The following STK38L variants were observed in gnomAD, a reference collection of about 807,000 sequenced individuals.
STK38L encodes the protein serine/threonine kinase 38 like, also known as serine/threonine-protein kinase 38-like.
STK38L carries 28 observed loss-of-function variants against 59.7 expected under a neutral mutation model. The observed-to-expected ratio is 0.47, with a 90% CI of 0.35 to 0.64. The LOEUF is 0.64. Among genes scored for constraint, STK38L ranks in the 30% least tolerant of loss-of-function variants. The pLI is 0.01. For synonymous variants in STK38L, 162 were observed against 176.8 expected (o/e 0.92, Z 0.66); for missense variants, 314 against 555.8 (o/e 0.56, Z 4.37).
intron 1 of STK38L, among the ~76,000 whole-genome samples, chr12:27,278,156 A>T (rs559364096): frequency 1.3e-4 from 20 of 152,300 alleles, no homozygotes; most frequent in African/African-American, 4.6e-4. Flanking sequence ...TGCTTATGGG[A>T]TCTTTGCCCT....
intron 12 of STK38L, among the ~76,000 whole-genome samples, chr12:27,320,174 G>A (rs571418105): frequency 2.8e-4 from 43 of 152,254 alleles, no homozygotes; most frequent in Admixed American, 2.7e-3. Context: ...TGCCTAGCTG[G>A]CTCCTTTGCA....
chr12:27,314,984 T>C, intron 7 of STK38L, 31 bp from the exon 8 acceptor site: 1 of 1,519,968 alleles, frequency 6.6e-7, no homozygotes, highest in African/African-American at 1.4e-5. Flanking sequence ...TCAAAGTTAA[T>C]ATGATCTAAT....
rs147554604 is a variant in STK38L, at chr12:27,290,163, C to T, written c.-11-7547C>T. Among the ~76,000 whole-genome samples, 316 of 152,266 alleles carry T rather than the reference C, an allele frequency of 2.1e-3. 1 individual carries two copies. The highest frequency in any genetic ancestry group is 6.7e-3 in the African/African-American group (280 of 41,550). ...ATCTCAGTCCTTTTACAAGTACTAA[C>T]TTTTAGAATTATCTTAAGTCTTATA... On this transcript the variant is annotated intron_variant, in intron 1 of 13. Coordinates refer to ENST00000389032, the MANE Select transcript of STK38L (RefSeq NM_015000.4).
chr12:27,324,866 A>G lies in STK38L; in HGVS notation c.*2411A>G, dbSNP rs546391359. ...GAATTTTCTCTATTATATATTTCCC[A>G]TATTTCAGGTGAATAATTTAATTTA... On this transcript the variant is annotated 3_prime_UTR_variant, in exon 14 of 14. Coordinates refer to ENST00000389032, the MANE Select transcript of STK38L (RefSeq NM_015000.4). 6.6e-6 allele frequency: 1 copy of G among 152,246 alleles called. No individual in the cohort carries two copies. Among genetic ancestry groups the G allele is most frequent in the East Asian group, 1.9e-4 (1 of 5,194 alleles). The allele number at this position is 152,246 out of a possible 1,614,324, so 9.4% of individuals were successfully genotyped here.
At chr12:27,251,365 C>T (rs1942972160) in intron 1 of STK38L, among the ~76,000 whole-genome samples, 1 of 152,178 alleles carries the variant, frequency 6.6e-6, no homozygotes, top group African/African-American at 2.4e-5. Flanking sequence ...CATTTCCTTA[C>T]TTAATCCTCA....
chr12:27,282,271 G>A (rs1943676998), intron 1 of STK38L, among the ~76,000 whole-genome samples: 1 of 152,088 alleles, frequency 6.6e-6, no homozygotes, highest in African/African-American at 2.4e-5. Flanking sequence ...GTTCCTGCAT[G>A]AGCTAAAGCA....
Position 27,324,707 on chromosome 12 carries a change from G to T in STK38L, c.*2252G>T. ...TAATAGAGTGATTCACAATCTTTGGGGTTTTCTCCTCATCAAAAGCATTTC... is the reference window on the plus strand; with the variant it reads ...TAATAGAGTGATTCACAATCTTTGGTGTTTTCTCCTCATCAAAAGCATTTC... On this transcript the variant is annotated 3_prime_UTR_variant, in exon 14 of 14. Coordinates refer to ENST00000389032, the MANE Select transcript of STK38L (RefSeq NM_015000.4). 1 of 151,856 alleles carries T rather than the reference G, an allele frequency of 6.6e-6. No homozygotes were observed. The highest frequency in any genetic ancestry group is 1.5e-5 in the Non-Finnish European group (1 of 67,880). 9.4% of individuals were successfully genotyped at this position (151,856 alleles called of 1,614,324 possible). A position where few individuals can be genotyped will look rare whatever the true frequency, so the allele number is the denominator to read the frequency against.
chr12:27,274,233 C>CAA (rs35554589), intron 1 of STK38L, among the ~76,000 whole-genome samples: 74,199 of 143,066 alleles, frequency 0.52, 19,487 homozygotes, highest in Non-Finnish European at 0.57. Context: ...AAGACTCTGT[C>CAA]AAAAAAAAAA....
intron 1 of STK38L, among the ~76,000 whole-genome samples, chr12:27,282,442 A>G (rs182164728): frequency 1.9e-3 from 285 of 152,364 alleles, no homozygotes; most frequent in Non-Finnish European, 2.2e-3. Context: ...GTCTTAAATC[A>G]TGCAGCTTAC....
intron 1 of STK38L, among the ~76,000 whole-genome samples, chr12:27,250,059 C>G (rs1942939517): frequency 6.6e-6 from 1 of 152,190 alleles, no homozygotes; most frequent in South Asian, 2.1e-4. Context: ...GGCATGATAG[C>G]TAACCCAGGC....
At chr12:27,257,534 T>C (rs1254043587) in intron 1 of STK38L, among the ~76,000 whole-genome samples, 1 of 152,220 alleles carries the variant, frequency 6.6e-6, no homozygotes, top group African/African-American at 2.4e-5. Context: ...CAGACTTGGG[T>C]ATCCCCGGCC....
intron 2 of STK38L, among the ~76,000 whole-genome samples, chr12:27,299,627 G>A (rs993082105): frequency 9.2e-5 from 14 of 152,116 alleles, no homozygotes; most frequent in African/African-American, 3.4e-4. Flanking sequence ...TATAATTCAG[G>A]AAAGAAGTAA....
Position 27,302,183 on chromosome 12 carries a change from G to A in STK38L, c.181G>A (p.Glu61Lys). 1 of 1,606,476 alleles carries A rather than the reference G, an allele frequency of 6.2e-7. No individual in the cohort carries two copies. The highest frequency in any genetic ancestry group is 1.7e-5 in the Admixed American group (1 of 59,160). Residue 61 changes from glutamate to lysine, a missense_variant, in exon 3 of 14, where the codon GAA (glutamate) becomes AAA (lysine). Coordinates refer to ENST00000389032, the MANE Select transcript of STK38L (RefSeq NM_015000.4). The part of the protein sequence containing the change: ...VAMEEEGLAD[E>K]EKKLRRSQHA... ...CATGGAAGAAGAAGGATTAGCAGAT[G>A]AAGAGGTAATGTAATTACCTATAAT...
intron 11 of STK38L, among the ~76,000 whole-genome samples, chr12:27,318,605 A>G (rs963065862): frequency 1.3e-5 from 2 of 152,230 alleles, no homozygotes; most frequent in Non-Finnish European, 2.9e-5. Context: ...ATGGTATTTA[A>G]TAGTGAAAAT....
At position 27,297,772 on chromosome 12, in the gene STK38L, C is replaced by T. The variant is rs1213566302; in HGVS notation, c.52C>T (p.Arg18Trp). ...TTTFPMSNHT[R>W]ERVTVAKLTL... ...AACCTTTCCTATGAGCAACCATACC[C>T]GGGAAAGAGTGACTGTAGCCAAGCT... Residue 18 changes from arginine (R) to tryptophan (W), a missense_variant, in exon 2 of 14, where the codon CGG becomes TGG. Around this residue, in one of 3 missense-constraint regions of STK38L, gnomAD observed 192 missense variants for 316.9 expected, o/e 0.61. Transcript: ENST00000389032. 2.5e-6 allele frequency: 4 copies of T among 1,613,990 alleles called. No homozygotes were observed. Among genetic ancestry groups the T allele is most frequent in the East Asian group, 2.2e-5 (1 of 44,868 alleles).
At position 27,312,600 on chromosome 12, in the gene STK38L, T is replaced by C; in HGVS notation, c.445T>C (p.Trp149Arg). The change falls in exon 6 of 14, where the codon TGG (tryptophan) becomes CGG (arginine). Residue 149 changes from tryptophan (W) to arginine (R), a missense_variant. Coordinates refer to ENST00000389032, the MANE Select transcript of STK38L (RefSeq NM_015000.4). ...TATTTTGGTAGAAGCAGATGGTGCCTGGGTGGTGAAGATGTTTTACAGTTT... is the reference window on the plus strand; with the variant it reads ...TATTTTGGTAGAAGCAGATGGTGCCCGGGTGGTGAAGATGTTTTACAGTTT... ...RDILVEADGA[W>R]VVKMFYSFQD... The C allele has an allele frequency of 4.3e-6, 7 of 1,614,114 alleles. No individual in the cohort carries two copies. The highest frequency in any genetic ancestry group is 5.9e-6 in the Non-Finnish European group (7 of 1,180,004).
chr12:27,315,457 C>T (rs1944563411), intron 9 of STK38L, 107 bp downstream of exon 9: 1 of 853,128 alleles, frequency 1.2e-6, no homozygotes, highest in African/African-American at 1.7e-5. Context: ...TACTTCATAA[C>T]AATGGTAGCG....
chr12:27,319,120 A>G (rs1469184158), intron 11 of STK38L, among the ~76,000 whole-genome samples: 3 of 152,274 alleles, frequency 2.0e-5, no homozygotes, highest in Non-Finnish European at 2.9e-5. Context: ...TTAATATTGT[A>G]AAAGATTAGC....
At chr12:27,318,132 A>G (rs1944632312) in intron 11 of STK38L, 113 bp downstream of exon 11, 2 of 1,263,354 alleles carry the variant, frequency 1.6e-6, no homozygotes, top group Non-Finnish European at 2.2e-6. Flanking sequence ...GTATACAGTC[A>G]AAGAGATCAA....
Sources: gnomAD v4.1 joint callset for allele counts (sites outside exome capture counted in the v4.1 genomes callset) on GRCh38, gnomAD v4.1.1 for gene constraint, gnomAD v4.1.1 regional missense constraint, MANE v1.5 for transcripts, NCBI Gene and HGNC (gene_info 2026-07-23, HGNC 2026-07-21) for gene names.